The following ANO3 variants were observed in gnomAD, a reference collection of about 807,000 sequenced individuals.
The protein encoded by ANO3 is anoctamin-3.
Under a neutral mutation model 144.8 loss-of-function variants are expected in ANO3, and 99 were observed. The observed-to-expected ratio is 0.68, with a 90% confidence interval of 0.58 to 0.81. The LOEUF is 0.81. Among genes scored for constraint, ANO3 ranks in the 30% least tolerant of loss-of-function variants. ANO3 has a pLI of 0.00. For missense variants in ANO3, 905 were observed against 1,202.2 expected (o/e 0.75, Z 3.66); for synonymous variants, 414 against 392.6 (o/e 1.05, Z -0.64).
intron 1 of ANO3, among the ~76,000 whole-genome samples, chr11:26,440,449 T>C (rs938337533): frequency 6.6e-6 from 1 of 152,096 alleles, no homozygotes; most frequent in Non-Finnish European, 1.5e-5. Flanking sequence ...AAATTCTTTT[T>C]AAATGATGGG....
chr11:26,422,540 T>A (rs751368378), intron 1 of ANO3, among the ~76,000 whole-genome samples: 2 of 152,006 alleles, frequency 1.3e-5, no homozygotes, highest in Non-Finnish European at 2.9e-5. Flanking sequence ...GCATTAAATG[T>A]TACTTTAGGA....
intron 1 of ANO3, among the ~76,000 whole-genome samples, chr11:26,356,128 CT>C (rs1446803446): frequency 3.3e-5 from 5 of 151,056 alleles, no homozygotes; most frequent in African/African-American, 4.9e-5. Flanking sequence ...TGTCTTTTTT[CT>C]TTTTATTCCA....
intron 4 of ANO3, among the ~76,000 whole-genome samples, chr11:26,490,862 C>T (rs142565808): frequency 1.3e-5 from 2 of 152,326 alleles, no homozygotes; most frequent in African/African-American, 4.8e-5. Context: ...GAAAAGAATA[C>T]TTGGCGACTC....
intron 1 of ANO3, among the ~76,000 whole-genome samples, chr11:26,246,847 T>C (rs1044358992): frequency 1.3e-5 from 2 of 152,316 alleles, no homozygotes; most frequent in East Asian, 1.9e-4. Flanking sequence ...CCTACCTCCA[T>C]GTAAGATGTG....
At chr11:26,560,016 C>T (rs1850224408) in intron 14 of ANO3, 1 of 370,098 alleles carries the variant, frequency 2.7e-6, no homozygotes, top group Non-Finnish European at 4.8e-6. Flanking sequence ...CATCAAGGAA[C>T]ATATTTTTTC....
rs1422823918 is a variant in ANO3, at chr11:26,661,193, A to G, written c.*749A>G. 1.3e-5 allele frequency: 2 copies of G among 152,608 alleles called. No individual in the cohort carries two copies. Among genetic ancestry groups the G allele is most frequent in the African/African-American group, 4.8e-5 (2 of 41,460 alleles). The allele number at this position is 152,608 out of a possible 1,614,324, so 9.5% of individuals were successfully genotyped here. A position where few individuals can be genotyped will look rare whatever the true frequency, so the allele number is the denominator to read the frequency against. On this transcript the variant is annotated 3_prime_UTR_variant, in exon 27 of 27. Transcript: ENST00000256737. ...GTGCAATTTTTTGTACTAAATGCCAATAAAGCCACATACTTATAAACTATG... is the reference window on the plus strand; with the variant it reads ...GTGCAATTTTTTGTACTAAATGCCAGTAAAGCCACATACTTATAAACTATG...
chr11:26,465,235 T>G (rs1182837601), intron 4 of ANO3, among the ~76,000 whole-genome samples: 1 of 151,168 alleles, frequency 6.6e-6, no homozygotes, highest in Non-Finnish European at 1.5e-5. Context: ...ATTTGTGTCC[T>G]ACAAATAGAA....
intron 1 of ANO3, among the ~76,000 whole-genome samples, chr11:26,317,745 A>G (rs1189656122): frequency 6.6e-6 from 1 of 152,214 alleles, no homozygotes; most frequent in Non-Finnish European, 1.5e-5. Flanking sequence ...TGACCCAGCA[A>G]TCCCATTACT....
chr11:26,637,075 C>T lies in ANO3; in HGVS notation c.2043+2005C>T, dbSNP rs1342379316. 4.6e-5 allele frequency among the ~76,000 whole-genome samples: 7 copies of T among 152,142 alleles called. No homozygotes were observed. In the South Asian group the frequency reaches 1.2e-3, roughly 27 times the overall value. On this transcript the variant is annotated intron_variant, in intron 20 of 26. Coordinates refer to ENST00000256737, the MANE Select transcript of ANO3 (RefSeq NM_031418.4). ...CCCTTTTACACATTCCAAGTATGGG[C>T]TTTTTCTACCAAATGAAATTTAGAG...
chr11:26,248,418 G>T (rs1451578675), intron 1 of ANO3, among the ~76,000 whole-genome samples: 2 of 152,140 alleles, frequency 1.3e-5, no homozygotes, highest in Non-Finnish European at 2.9e-5. Context: ...TCTCTTTCAA[G>T]TTAGTTCTTT....
rs538195648 is a variant in ANO3, at chr11:26,557,378, G to A, written c.1387-2341G>A. On this transcript the variant is annotated intron_variant, in intron 13 of 26. Coordinates refer to ENST00000256737, the MANE Select transcript of ANO3 (RefSeq NM_031418.4). ...CGGGAGGCTGAGGCAGGAGAATGGC[G>A]TGAACCCAGGAAACAGAGCTTACAG... 1.8e-3 allele frequency among the ~76,000 whole-genome samples: 268 copies of A among 150,842 alleles called. No individual in the cohort carries two copies. In the South Asian group the frequency reaches 0.018, roughly 10 times the overall value.
intron 1 of ANO3, among the ~76,000 whole-genome samples, chr11:26,198,963 G>C (rs1046515571): frequency 1.3e-5 from 2 of 152,118 alleles, no homozygotes; most frequent in African/African-American, 2.4e-5. Context: ...GATCTACCTG[G>C]CTCATACAAA....
At chr11:26,512,195 T>C (rs1350256806) in intron 5 of ANO3, among the ~76,000 whole-genome samples, 2 of 152,232 alleles carry the variant, frequency 1.3e-5, no homozygotes, top group Admixed American at 6.5e-5. Flanking sequence ...AGCTATCTTA[T>C]CCTATGTTCT....
At chr11:26,398,469 T>C (rs899852935) in intron 1 of ANO3, among the ~76,000 whole-genome samples, 2 of 152,114 alleles carry the variant, frequency 1.3e-5, no homozygotes, top group Non-Finnish European at 2.9e-5. Context: ...ACCAAAGCAA[T>C]TTTAACCAAA....
chr11:26,342,515 G>C (rs1377764966), intron 1 of ANO3, among the ~76,000 whole-genome samples: 1 of 152,122 alleles, frequency 6.6e-6, no homozygotes, highest in African/African-American at 2.4e-5. Context: ...TGCCATCTTG[G>C]AAGCAGACCA....
At chr11:26,346,837 A>G (rs1246719220) in intron 1 of ANO3, among the ~76,000 whole-genome samples, 1 of 152,210 alleles carries the variant, frequency 6.6e-6, no homozygotes, top group Non-Finnish European at 1.5e-5. Context: ...TTATTGAAGA[A>G]ATAACTGGCT....
At chr11:26,649,851 A>G (rs1322308719) in intron 24 of ANO3, among the ~76,000 whole-genome samples, 1 of 152,222 alleles carries the variant, frequency 6.6e-6, no homozygotes, top group Non-Finnish European at 1.5e-5. Context: ...TAGTAGTTTT[A>G]AAAACCCTGT....
At chr11:26,550,808 T>C (rs1435655142) in intron 12 of ANO3, among the ~76,000 whole-genome samples, 1 of 151,950 alleles carries the variant, frequency 6.6e-6, no homozygotes, top group African/African-American at 2.4e-5. Context: ...TGCTGAATCA[T>C]ATGGTAATTC....
At chr11:26,534,043 C>A (rs1849441377) in intron 8 of ANO3, among the ~76,000 whole-genome samples, 1 of 152,132 alleles carries the variant, frequency 6.6e-6, no homozygotes, top group African/African-American at 2.4e-5. Flanking sequence ...AATAATAGAG[C>A]ATCAAGGGAA....
Sources: allele counts gnomAD v4.1 joint callset (sites outside exome capture counted in the v4.1 genomes callset), GRCh38; gene constraint gnomAD v4.1.1; transcripts MANE v1.5; gene names NCBI Gene and HGNC (gene_info 2026-07-23, HGNC 2026-07-21).